CTNND2: variants seen among roughly 807,000 people sequenced by gnomAD.
CTNND2 encodes the protein catenin delta-2.
A neutral mutation model predicts 144.4 loss-of-function variants in CTNND2; 22 were observed. That is an observed-to-expected ratio of 0.15 (90% CI 0.11 to 0.22). CTNND2 has a LOEUF of 0.22. CTNND2 is among the 10% of genes least tolerant of loss of function. The probability of loss-of-function intolerance (pLI) is 1.00; values close to 1 mark genes in which losing one functional copy is unlikely to be tolerated. For missense variants in CTNND2, 1,353 were observed against 1,618.8 expected (o/e 0.84, Z 2.82); for synonymous variants, 751 against 695.6 (o/e 1.08, Z -1.25).
intron 12 of CTNND2, among the ~76,000 whole-genome samples, chr5:11,150,848 ACTCCTGAC>A (rs2149752574): frequency 6.6e-6 from 1 of 151,630 alleles, no homozygotes; most frequent in South Asian, 2.1e-4. Flanking sequence ...CTGGTCTGGA[ACTCCTGAC>A]CTCAGGTGAT....
intron 1 of CTNND2, among the ~76,000 whole-genome samples, chr5:11,868,811 T>G (rs1795895991): frequency 6.6e-6 from 1 of 152,190 alleles, no homozygotes; most frequent in Non-Finnish European, 1.5e-5. Context: ...CTTGGGACCA[T>G]GCAGAGTCTC....
intron 3 of CTNND2, among the ~76,000 whole-genome samples, chr5:11,488,206 T>C (rs531869880): frequency 7.8e-4 from 119 of 152,256 alleles, no homozygotes; most frequent in Non-Finnish European, 1.4e-3. Flanking sequence ...AAAACTGCCT[T>C]TAAATTTTTT....
Position 11,469,735 on chromosome 5 carries a change from G to T in CTNND2, c.288-57666C>A, listed in dbSNP as rs548382547. 4.6e-5 allele frequency among the ~76,000 whole-genome samples: 7 copies of T among 152,262 alleles called. No individual in the cohort carries two copies. The East Asian group carries it at 1.2e-3, about 25-fold the overall frequency. ...TTCTTAGGTAATTTTAAATATTCAA[G>T]TATTTTTCCTTCCTTTTATAAACCT... On this transcript the variant is annotated intron_variant, in intron 3 of 21. Transcript: ENST00000304623.
chr5:11,582,248 G>A (rs1561586220), intron 2 of CTNND2, among the ~76,000 whole-genome samples: 1 of 152,204 alleles, frequency 6.6e-6, no homozygotes, highest in African/African-American at 2.4e-5. Flanking sequence ...AAACTGAAGT[G>A]GAGAGAGATT....
rs1298026285 is a variant in CTNND2, at chr5:11,204,817, A to T, written c.1762-5156T>A. On this transcript the variant is annotated intron_variant, in intron 10 of 21. Transcript: ENST00000304623. ...TCTCGGGAGGTATCTGTCTTTATTT[A>T]AAAAAAAAATACTATGACAAGTTGC... 4.0e-5 allele frequency among the ~76,000 whole-genome samples: 6 copies of T among 150,064 alleles called. No individual in the cohort carries two copies. In the South Asian group the frequency reaches 6.3e-4, roughly 16 times the overall value.
intron 10 of CTNND2, among the ~76,000 whole-genome samples, chr5:11,202,182 A>G (rs75054586): frequency 0.06 from 9,099 of 152,276 alleles, 354 homozygotes; most frequent in Admixed American, 0.11. Flanking sequence ...ATTCATATGT[A>G]TATATTTTAG....
chr5:10,999,467 A>G (rs1404760466), intron 18 of CTNND2, among the ~76,000 whole-genome samples: 5 of 152,190 alleles, frequency 3.3e-5, no homozygotes, highest in Non-Finnish European at 7.3e-5. Context: ...GGGTTAGATA[A>G]GAAAGCCCAG....
chr5:11,678,347 AC>A (rs1426434855), intron 2 of CTNND2, among the ~76,000 whole-genome samples: 1 of 152,004 alleles, frequency 6.6e-6, no homozygotes, highest in African/African-American at 2.4e-5. Flanking sequence ...TGACTTCAGA[AC>A]CCCTGACTGG....
At chr5:11,669,355 A>G (rs1044938772) in intron 2 of CTNND2, among the ~76,000 whole-genome samples, 6 of 152,026 alleles carry the variant, frequency 3.9e-5, no homozygotes, top group African/African-American at 1.4e-4. Flanking sequence ...CGCTCTTTGT[A>G]CCTCTGGTAG....
intron 1 of CTNND2, among the ~76,000 whole-genome samples, chr5:11,776,707 G>A (rs938076206): frequency 2.6e-5 from 4 of 151,916 alleles, no homozygotes; most frequent in African/African-American, 7.3e-5. Flanking sequence ...AGCTATTATC[G>A]ATGCTTTATC....
chr5:11,625,829 G>A (rs1379980801), intron 2 of CTNND2, among the ~76,000 whole-genome samples: 1 of 152,076 alleles, frequency 6.6e-6, no homozygotes, highest in East Asian at 1.9e-4. Context: ...AATAAGATAT[G>A]AGGGTGACAA....
At chr5:11,601,068 T>A (rs1779766916) in intron 2 of CTNND2, among the ~76,000 whole-genome samples, 1 of 152,164 alleles carries the variant, frequency 6.6e-6, no homozygotes. Flanking sequence ...ACACTATATA[T>A]ATAGATGTAG....
chr5:11,878,180 T>A (rs951779316), intron 1 of CTNND2, among the ~76,000 whole-genome samples: 1 of 152,216 alleles, frequency 6.6e-6, no homozygotes, highest in Non-Finnish European at 1.5e-5. Context: ...TAGTTTTTCA[T>A]TTTATATTTG....
intron 20 of CTNND2, among the ~76,000 whole-genome samples, chr5:10,984,104 A>G (rs1045212440): frequency 6.6e-6 from 1 of 151,978 alleles, no homozygotes; most frequent in Admixed American, 6.6e-5. Context: ...TCTTCTTCCT[A>G]CTAAACACAG....
intron 7 of CTNND2, among the ~76,000 whole-genome samples, chr5:11,382,485 G>C (rs1758586454): frequency 6.6e-6 from 1 of 152,032 alleles, no homozygotes; most frequent in South Asian, 2.1e-4. Flanking sequence ...TGTAATCCCA[G>C]CTATCGGGAG....
chr5:11,431,215 G>A (rs898178738), intron 3 of CTNND2, among the ~76,000 whole-genome samples: 15 of 152,074 alleles, frequency 9.9e-5, no homozygotes, highest in Non-Finnish European at 1.5e-4. Flanking sequence ...ACGACTTAAG[G>A]TGAAAGTCAC....
intron 9 of CTNND2, among the ~76,000 whole-genome samples, chr5:11,253,607 T>C (rs984859209): frequency 5.9e-5 from 9 of 152,178 alleles, no homozygotes; most frequent in African/African-American, 1.7e-4. Flanking sequence ...TTAAACCTCT[T>C]TTTCTTTATA....
At chr5:11,056,743 AT>A (rs1746389247) in intron 16 of CTNND2, among the ~76,000 whole-genome samples, 1 of 152,242 alleles carries the variant, frequency 6.6e-6, no homozygotes, top group South Asian at 2.1e-4. Context: ...CTTCATATGA[AT>A]GGAAAGGGCA....
Position 11,203,446 on chromosome 5 carries a change from G to T in CTNND2, c.1762-3785C>A, listed in dbSNP as rs188037288. 1.2e-4 allele frequency among the ~76,000 whole-genome samples: 19 copies of T among 152,090 alleles called. No individual in the cohort carries two copies. The East Asian group carries it at 2.9e-3, about 23-fold the overall frequency. ...TGCAAAATTGTTTTTGTTTTGTTTTGTTTTGTTTTGTTTTTAGACAGAGTT... is the reference window on the plus strand; with the variant it reads ...TGCAAAATTGTTTTTGTTTTGTTTTTTTTTGTTTTGTTTTTAGACAGAGTT... On this transcript the variant is annotated intron_variant, in intron 10 of 21. Coordinates refer to ENST00000304623, the MANE Select transcript of CTNND2 (RefSeq NM_001332.4).
Sources: gnomAD v4.1 joint callset for allele counts (sites outside exome capture counted in the v4.1 genomes callset) on GRCh38, gnomAD v4.1.1 for gene constraint, MANE v1.5 for transcripts, NCBI Gene and HGNC (gene_info 2026-07-23, HGNC 2026-07-21) for gene names.